NCAM1: variants seen among roughly 807,000 people sequenced by gnomAD.
The protein encoded by NCAM1 is antigen recognized by monoclonal antibody 5.1H11.
NCAM1 carries 14 observed loss-of-function variants against 109.8 expected under a neutral mutation model. That is an observed-to-expected ratio of 0.13 (90% confidence interval 0.08 to 0.20). NCAM1 has a LOEUF of 0.20. Among genes scored for constraint, NCAM1 ranks in the 10% least tolerant of loss-of-function variants. NCAM1 has a pLI of 1.00. For synonymous variants in NCAM1, 418 were observed against 442.9 expected, an observed-to-expected ratio of 0.94 and a Z score of 0.70; for missense variants, 774 against 1,109.9, an observed-to-expected ratio of 0.70 and a Z score of 4.30.
intron 8 of NCAM1, among the ~76,000 whole-genome samples, chr11:113,215,483 C>T (rs1266586434): frequency 6.0e-5 from 9 of 150,336 alleles, no homozygotes; most frequent in African/African-American, 2.0e-4. Flanking sequence ...CACTCTTCTG[C>T]CTGCCTAAAG....
intron 1 of NCAM1, among the ~76,000 whole-genome samples, chr11:113,019,246 G>A (rs190140502): frequency 4.6e-5 from 7 of 152,048 alleles, no homozygotes; most frequent in Admixed American, 1.3e-4. Flanking sequence ...TTAGGGACTT[G>A]GCTTTACCTT....
chr11:113,184,316 C>T (rs1208366557), intron 1 of NCAM1, among the ~76,000 whole-genome samples: 1 of 152,174 alleles, frequency 6.6e-6, no homozygotes, highest in African/African-American at 2.4e-5. Context: ...CTAGTTAATG[C>T]ACCTGTAGAG....
intron 2 of NCAM1, 124 bp from the exon 3 acceptor site, chr11:113,204,162 C>T: frequency 1.3e-6 from 1 of 765,450 alleles, no homozygotes; most frequent in Admixed American, 2.7e-5. Context: ...TCACCCCTCC[C>T]TGATGTTCAA....
chr11:113,106,701 T>G (rs1940184871), intron 1 of NCAM1, among the ~76,000 whole-genome samples: 1 of 152,182 alleles, frequency 6.6e-6, no homozygotes, highest in South Asian at 2.1e-4. Flanking sequence ...CTAGGCCCAC[T>G]AAGGGGGTTA....
At chr11:113,225,391 A>T (rs1944813317) in intron 9 of NCAM1, among the ~76,000 whole-genome samples, 1 of 152,230 alleles carries the variant, frequency 6.6e-6, no homozygotes, top group African/African-American at 2.4e-5. Flanking sequence ...AAAAAAGAAT[A>T]AAAAGAAACA....
chr11:113,088,182 G>A (rs1284808249), intron 1 of NCAM1, among the ~76,000 whole-genome samples: 1 of 152,158 alleles, frequency 6.6e-6, no homozygotes, highest in South Asian at 2.1e-4. Flanking sequence ...GACTTAAAGA[G>A]AGAAATACCA....
chr11:113,187,210 C>T (rs912944232), intron 1 of NCAM1, among the ~76,000 whole-genome samples: 1 of 152,172 alleles, frequency 6.6e-6, no homozygotes, highest in African/African-American at 2.4e-5. Context: ...CTAGACCCGA[C>T]CTTCTTGACT....
chr11:113,219,386 T>C (rs1422566190), intron 8 of NCAM1, among the ~76,000 whole-genome samples: 2 of 152,228 alleles, frequency 1.3e-5, no homozygotes, highest in African/African-American at 2.4e-5. Context: ...ACATGAATAA[T>C]GGAATACCTA....
At chr11:113,208,713 C>A (rs1944311841) in intron 7 of NCAM1, among the ~76,000 whole-genome samples, 1 of 152,062 alleles carries the variant, frequency 6.6e-6, no homozygotes, top group African/African-American at 2.4e-5. Flanking sequence ...CTGTACTTAA[C>A]AGTACCTGAA....
At chr11:113,262,806 A>G (rs782321379) in intron 17 of NCAM1, 1 of 1,608,232 alleles carries the variant, frequency 6.2e-7, no homozygotes, top group South Asian at 1.1e-5. Flanking sequence ...TTTTTAAACA[A>G]CCACATTATC....
At chr11:113,049,709 G>C (rs1953395873) in intron 1 of NCAM1, among the ~76,000 whole-genome samples, 1 of 152,176 alleles carries the variant, frequency 6.6e-6, no homozygotes, top group Admixed American at 6.5e-5. Flanking sequence ...CAGAAAAATA[G>C]CAGGGGCTCT....
At chr11:113,140,937 CATT>C (rs1352524957) in intron 1 of NCAM1, among the ~76,000 whole-genome samples, 10 of 151,916 alleles carry the variant, frequency 6.6e-5, no homozygotes, top group Admixed American at 3.9e-4. Context: ...GTTATTAAAT[CATT>C]GTTGTTTTTA....
intron 1 of NCAM1, among the ~76,000 whole-genome samples, chr11:112,981,269 A>T (rs375076064): frequency 8.6e-5 from 13 of 152,034 alleles, no homozygotes; most frequent in African/African-American, 3.1e-4. Context: ...CATGAATTGC[A>T]GAAGAAAAGT....
chr11:113,082,043 A>C (rs1286779179), intron 1 of NCAM1, among the ~76,000 whole-genome samples: 1 of 152,214 alleles, frequency 6.6e-6, no homozygotes, highest in Non-Finnish European at 1.5e-5. Flanking sequence ...TTTAATGTGT[A>C]TGTTTAATGT....
At chr11:113,035,835 C>A (rs1952860234) in intron 1 of NCAM1, among the ~76,000 whole-genome samples, 1 of 152,148 alleles carries the variant, frequency 6.6e-6, no homozygotes, top group Admixed American at 6.5e-5. Context: ...AAGACAGAGG[C>A]ATGTCAGGAA....
At chr11:113,207,438 C>A in intron 6 of NCAM1, 60 bp downstream of exon 6, 1 of 1,383,512 alleles carries the variant, frequency 7.2e-7, no homozygotes. Flanking sequence ...ATCACAAAGT[C>A]TGCTCCATGT....
chr11:113,024,234 G>A (rs797043716), intron 1 of NCAM1, among the ~76,000 whole-genome samples: 20 of 152,300 alleles, frequency 1.3e-4, no homozygotes, highest in South Asian at 1.0e-3. Flanking sequence ...GAAGGTCTGC[G>A]GTGATGTGTT....
intron 4 of NCAM1, 82 bp from the exon 5 acceptor site, chr11:113,205,961 G>C: frequency 6.4e-7 from 1 of 1,551,292 alleles, no homozygotes; most frequent in Non-Finnish European, 8.9e-7. Flanking sequence ...CTGAAGTTAG[G>C]AAAAAGGAAA....
intron 17 of NCAM1, among the ~76,000 whole-genome samples, chr11:113,265,439 G>C (rs1443014803): frequency 6.6e-6 from 1 of 152,214 alleles, no homozygotes; most frequent in Non-Finnish European, 1.5e-5. Flanking sequence ...TGCCTTTGCA[G>C]AACTGGGGAG....
Sources: gnomAD v4.1 joint callset for allele counts (sites outside exome capture counted in the v4.1 genomes callset) on GRCh38, gnomAD v4.1.1 for gene constraint, MANE v1.5 for transcripts, NCBI Gene and HGNC (gene_info 2026-07-23, HGNC 2026-07-21) for gene names.